The following STAB2 variants were observed in gnomAD, a reference collection of about 807,000 sequenced individuals.
The protein encoded by STAB2 is stabilin 2, also known as stabilin-2.
In STAB2, 288 loss-of-function variants were observed where a neutral mutation model predicts 338.1. That is an observed-to-expected ratio of 0.85 (90% CI 0.77 to 0.94). The LOEUF is 0.94. STAB2 is among the 40% of genes least tolerant of loss of function. STAB2 has a pLI of 0.00. For missense variants in STAB2, 3,141 were observed against 3,210.1 expected, an observed-to-expected ratio of 0.98 and a Z score of 0.52; for synonymous variants, 1,202 against 1,193.3, an observed-to-expected ratio of 1.01 and a Z score of -0.15.
At chr12:103,609,622 G>A (rs1450025964) in intron 3 of STAB2, among the ~76,000 whole-genome samples, 2 of 152,118 alleles carry the variant, frequency 1.3e-5, no homozygotes, top group Non-Finnish European at 2.9e-5. Context: ...ATACAATCAT[G>A]TCATCTGCAA....
At chr12:103,607,187 G>A (rs966373077) in intron 3 of STAB2, among the ~76,000 whole-genome samples, 36 of 151,624 alleles carry the variant, frequency 2.4e-4, no homozygotes, top group African/African-American at 8.7e-4. Context: ...TTGGATCTAT[G>A]GGTTTATACT....
At chr12:103,753,726 T>C (rs1883872253) in intron 61 of STAB2, among the ~76,000 whole-genome samples, 1 of 152,194 alleles carries the variant, frequency 6.6e-6, no homozygotes, top group Admixed American at 6.5e-5. Context: ...TAAAAGTCTA[T>C]TTCAACCATG....
At chr12:103,704,315 G>T (rs1015765967) in intron 35 of STAB2, among the ~76,000 whole-genome samples, 1 of 152,112 alleles carries the variant, frequency 6.6e-6, no homozygotes, top group South Asian at 2.1e-4. Context: ...TAAAGAATTT[G>T]GACTTAAATG....
At chr12:103,758,925 C>T (rs1392758422) in intron 64 of STAB2, among the ~76,000 whole-genome samples, 1 of 152,244 alleles carries the variant, frequency 6.6e-6, no homozygotes, top group Non-Finnish European at 1.5e-5. Context: ...ATACAAATGA[C>T]ATTCAATCCC....
At chr12:103,765,487 A>G (rs1884875030) in intron 68 of STAB2, among the ~76,000 whole-genome samples, 1 of 152,236 alleles carries the variant, frequency 6.6e-6, no homozygotes, top group African/African-American at 2.4e-5. Context: ...AGCCATTTCT[A>G]GCATCTATTA....
intron 9 of STAB2, among the ~76,000 whole-genome samples, chr12:103,641,811 C>A (rs1403803536): frequency 6.6e-6 from 1 of 152,186 alleles, no homozygotes; most frequent in Non-Finnish European, 1.5e-5. Flanking sequence ...CACCCACAAA[C>A]CTTCCCACAC....
At chr12:103,629,995 T>G (rs971004441) in intron 5 of STAB2, among the ~76,000 whole-genome samples, 1 of 152,176 alleles carries the variant, frequency 6.6e-6, no homozygotes, top group African/African-American at 2.4e-5. Context: ...AAAATGAAAT[T>G]TTATCAAGGT....
intron 65 of STAB2, among the ~76,000 whole-genome samples, chr12:103,760,575 T>C (rs975339260): frequency 3.9e-5 from 6 of 152,022 alleles, no homozygotes. Context: ...ATGGTGTTAT[T>C]TTGGGGTGAC....
At chr12:103,633,454 G>A (rs1193719484) in intron 6 of STAB2, among the ~76,000 whole-genome samples, 3 of 152,184 alleles carry the variant, frequency 2.0e-5, no homozygotes, top group South Asian at 2.1e-4. Context: ...AGGCCGAGGC[G>A]GGTGGATCAC....
chr12:103,619,465 T>C (rs987344442), intron 3 of STAB2, among the ~76,000 whole-genome samples: 3 of 152,196 alleles, frequency 2.0e-5, no homozygotes, highest in African/African-American at 7.2e-5. Context: ...TTTAATTCTC[T>C]ATTTGATTGT....
rs1443332776 is a variant in STAB2 at position 103,731,467 on chromosome 12, T to C, written c.5224-109T>C. ...GAGCAGGTGCTGATGAGCCCATCTA[T>C]GTATCCGTCAGGTTATGTTACCTTT... On this transcript the variant is annotated intron_variant, in intron 49 of 68. Transcript: ENST00000388887. 7 of 1,085,850 alleles carry C rather than the reference T, an allele frequency of 6.4e-6. No homozygotes were observed. In the South Asian group the frequency reaches 1.1e-4, roughly 17 times the overall value. The allele number at this position is 1,085,850 out of a possible 1,614,324, so 67.3% of individuals were successfully genotyped here.
At chr12:103,740,834 CA>C in intron 55 of STAB2, 78 bp downstream of exon 55, 1 of 1,473,278 alleles carries the variant, frequency 6.8e-7, no homozygotes, top group Non-Finnish European at 9.0e-7. Context: ...TTGAATGTAC[CA>C]AAATTATAGG....
intron 37 of STAB2, among the ~76,000 whole-genome samples, chr12:103,705,999 C>T (rs1879318701): frequency 6.6e-6 from 1 of 152,180 alleles, no homozygotes; most frequent in Admixed American, 6.5e-5. Flanking sequence ...ACCCTGTTCT[C>T]ACAACAGGGT....
chr12:103,706,140 A>G (rs956748881), intron 37 of STAB2, among the ~76,000 whole-genome samples: 2 of 152,212 alleles, frequency 1.3e-5, no homozygotes, highest in Admixed American at 1.3e-4. Flanking sequence ...TGGAATTTGC[A>G]GGAAAAGTCA....
At chr12:103,626,809 G>T (rs1442903914) in intron 5 of STAB2, among the ~76,000 whole-genome samples, 1 of 152,148 alleles carries the variant, frequency 6.6e-6, no homozygotes, top group Admixed American at 6.5e-5. Flanking sequence ...TTCTGTGGGG[G>T]CACTCTCCTA....
chr12:103,631,164 C>T (rs911693549), intron 5 of STAB2, among the ~76,000 whole-genome samples: 4 of 152,034 alleles, frequency 2.6e-5, no homozygotes, highest in Admixed American at 6.6e-5. Flanking sequence ...TTTTTTTATC[C>T]TTGCATCACC....
intron 6 of STAB2, among the ~76,000 whole-genome samples, chr12:103,636,454 C>T (rs1189504926): frequency 3.3e-5 from 5 of 151,570 alleles, no homozygotes; most frequent in Non-Finnish European, 7.4e-5. Context: ...ATACATTGCC[C>T]ATTTTTTAAA....
intron 18 of STAB2, 22 bp downstream of exon 18, chr12:103,663,020 G>A (rs772365646): frequency 1.2e-6 from 2 of 1,613,524 alleles, no homozygotes; most frequent in Non-Finnish European, 1.7e-6. Flanking sequence ...AGGAAAATAA[G>A]TAAGGGCCCC....
At chr12:103,679,246 T>C (rs1876676302) in intron 25 of STAB2, among the ~76,000 whole-genome samples, 1 of 152,060 alleles carries the variant, frequency 6.6e-6, no homozygotes, top group Non-Finnish European at 1.5e-5. Flanking sequence ...TGCATGCCTG[T>C]AATCCCAGCT....
Sources: allele counts gnomAD v4.1 joint callset (sites outside exome capture counted in the v4.1 genomes callset), GRCh38; gene constraint gnomAD v4.1.1; transcripts MANE v1.5; gene names NCBI Gene and HGNC (gene_info 2026-07-23, HGNC 2026-07-21).